GREB1: variants seen among roughly 807,000 people sequenced by gnomAD.
GREB1 encodes protein GREB1.
In GREB1, 106 loss-of-function variants were observed where a neutral mutation model predicts 200.7. That is an observed-to-expected ratio of 0.53 (90% confidence interval 0.45 to 0.62). The LOEUF is 0.62. Ranked by LOEUF, GREB1 falls within the 20% of genes least tolerant of loss-of-function variation. GREB1 has a pLI of 0.00. For missense variants in GREB1, 2,243 were observed against 2,556.8 expected (o/e 0.88, Z 2.65); for synonymous variants, 1,132 against 1,092.4 (o/e 1.04, Z -0.72).
In GREB1 at chr2:11,629,257, T is replaced by A. The variant is rs1037262532; in HGVS notation, c.4450-691T>A. Among the ~76,000 whole-genome samples the A allele has an allele frequency of 1.7e-4, 26 of 152,044 alleles. No homozygotes were observed. Among genetic ancestry groups the A allele is most frequent in the African/African-American group, 5.5e-4 (23 of 41,476 alleles). The stretch of plus-strand genomic sequence containing the variant: ...GGGTCGGTGGGGTCGTAAGAGGACG[T>A]TCAAGCTGAGGGCAAAGCTGCGCTG... On this transcript the variant is annotated intron_variant, in intron 25 of 32. Coordinates refer to ENST00000381486, the MANE Select transcript of GREB1 (RefSeq NM_014668.4). The surrounding 1 kb of genome is among the most constrained non-coding windows in gnomAD (Gnocchi z 5.2).
At chr2:11,610,235 G>A (rs1682795060) in intron 17 of GREB1, among the ~76,000 whole-genome samples, 1 of 152,218 alleles carries the variant, frequency 6.6e-6, no homozygotes, top group Non-Finnish European at 1.5e-5. Flanking sequence ...ACAGAGATGG[G>A]CCTTTAGAAC....
At chr2:11,484,634 A>G (rs950105408) in intron 1 of GREB1, among the ~76,000 whole-genome samples, 1 of 151,924 alleles carries the variant, frequency 6.6e-6, no homozygotes, top group African/African-American at 2.4e-5. Context: ...AAAGAAAAAA[A>G]ATTAGCGAGG....
chr2:11,609,587 C>G (rs865813115), intron 17 of GREB1, among the ~76,000 whole-genome samples: 2 of 152,164 alleles, frequency 1.3e-5, no homozygotes, highest in Non-Finnish European at 2.9e-5. Context: ...CCCTTCATGC[C>G]AGAGTCTGTG....
At chr2:11,512,869 T>G (rs1046865116) in intron 1 of GREB1, among the ~76,000 whole-genome samples, 1 of 152,204 alleles carries the variant, frequency 6.6e-6, no homozygotes, top group Non-Finnish European at 1.5e-5. Context: ...TATGTTTTAC[T>G]TAGGCGGATA....
At chr2:11,583,007 G>A (rs1050868317) in intron 7 of GREB1, among the ~76,000 whole-genome samples, 4 of 152,018 alleles carry the variant, frequency 2.6e-5, no homozygotes, top group East Asian at 1.9e-4. Context: ...ACAATGTCCC[G>A]CACCAAACAG....
chr2:11,604,024 C>A (rs961135529), intron 17 of GREB1, among the ~76,000 whole-genome samples: 1 of 152,198 alleles, frequency 6.6e-6, no homozygotes, highest in African/African-American at 2.4e-5. Context: ...ACGTAGCCAC[C>A]AAGCCACATT....
intron 1 of GREB1, among the ~76,000 whole-genome samples, chr2:11,488,038 G>C (rs2148399342): frequency 6.6e-6 from 1 of 152,216 alleles, no homozygotes; most frequent in Non-Finnish European, 1.5e-5. Context: ...GGTTGGCTTG[G>C]GTAACCTAAA....
rs184233998 is a variant in GREB1, at chr2:11,522,430, G to A, written c.-158-34027G>A. Among the ~76,000 whole-genome samples, 370 of 152,228 alleles carry A rather than the reference G, an allele frequency of 2.4e-3. 5 individuals are homozygous for A. The highest frequency in any genetic ancestry group is 0.014 in the East Asian group (72 of 5,176). On this transcript the variant is annotated intron_variant, in intron 1 of 2. Coordinates refer to the GREB1 transcript ENST00000628795. ...TTTTAAGCCTCTGTATTTGAAAGAG[G>A]CTTACTTAGGAAGTTGAACTTGGCT...
rs550810517 is a variant in GREB1, at chr2:11,514,712, C to T, written c.-159+32331C>T. ...TCCTTTGCATCTTTTGGGGCTCAGT[C>T]TGCACAACCCCTCTGTGCTCAGTCC... is the stretch of plus-strand genomic sequence containing the variant. On this transcript the variant is annotated intron_variant, in intron 1 of 2. Transcript: ENST00000628795. 5.9e-5 allele frequency among the ~76,000 whole-genome samples: 9 copies of T among 152,394 alleles called. No homozygotes were observed. The South Asian group carries it at 1.4e-3, about 25-fold the overall frequency.
At chr2:11,488,207 G>A (rs1308475165) in intron 1 of GREB1, among the ~76,000 whole-genome samples, 1 of 152,146 alleles carries the variant, frequency 6.6e-6, no homozygotes, top group Non-Finnish European at 1.5e-5. Context: ...AAACTCGGGG[G>A]GTGGTGACCA....
chr2:11,496,611 G>A (rs1558483286), intron 1 of GREB1, among the ~76,000 whole-genome samples: 1 of 148,666 alleles, frequency 6.7e-6, no homozygotes, highest in Admixed American at 7.0e-5. Flanking sequence ...CAAGCTGCTA[G>A]CAAGAAGAAT....
chr2:11,520,202 C>T (rs1005400386), intron 1 of GREB1, among the ~76,000 whole-genome samples: 6 of 152,172 alleles, frequency 3.9e-5, no homozygotes, highest in African/African-American at 4.8e-5. Flanking sequence ...GTTTTAAGCT[C>T]TTTTTATAGA....
At chr2:11,551,439 A>C (rs1675817224) in intron 1 of GREB1, among the ~76,000 whole-genome samples, 1 of 152,112 alleles carries the variant, frequency 6.6e-6, no homozygotes, top group African/African-American at 2.4e-5. Flanking sequence ...TTTCTGTCTG[A>C]TTGACTGGCA....
At chr2:11,608,301 T>C (rs983552469) in intron 17 of GREB1, among the ~76,000 whole-genome samples, 2 of 152,218 alleles carry the variant, frequency 1.3e-5, no homozygotes, top group Admixed American at 1.3e-4. Flanking sequence ...TTTAACCATA[T>C]AGAATATAGT....
intron 2 of GREB1, among the ~76,000 whole-genome samples, chr2:11,562,207 C>T (rs1006091842): frequency 1.3e-5 from 2 of 152,178 alleles, no homozygotes; most frequent in African/African-American, 4.8e-5. Context: ...TCATCCAACC[C>T]GAGCAAGCCT....
chr2:11,608,753 T>C, intron 17 of GREB1, among the ~76,000 whole-genome samples: 1 of 152,236 alleles, frequency 6.6e-6, no homozygotes, highest in East Asian at 1.9e-4. Flanking sequence ...TGAGACATTG[T>C]TCCCTTTAAT....
At position 11,633,165 on chromosome 2, in the gene GREB1, G is replaced by A. The variant is rs537167433; in HGVS notation, c.4991+102G>A. ...ATGTGCCCACCCCTGGAAGACCGGA[G>A]GGCCTCTCATAGTAGAAGGGGTGGT... On this transcript the variant is annotated intron_variant, in intron 28 of 32. Coordinates refer to ENST00000381486, the MANE Select transcript of GREB1 (RefSeq NM_014668.4). The surrounding 1 kb of genome is among the most constrained non-coding windows in gnomAD (Gnocchi z 4.1). 108 of 1,172,138 alleles carry A rather than the reference G, an allele frequency of 9.2e-5. No individual in the cohort carries two copies. In the East Asian group the frequency reaches 2.4e-3, roughly 26 times the overall value. The allele number at this position is 1,172,138 out of a possible 1,614,324, so 72.6% of individuals were successfully genotyped here.
intron 12 of GREB1, among the ~76,000 whole-genome samples, 156 bp downstream of exon 12, chr2:11,595,535 T>A (rs1293883280): frequency 6.6e-6 from 1 of 152,176 alleles, no homozygotes; most frequent in African/African-American, 2.4e-5. Flanking sequence ...TTCTGTCCCT[T>A]TCTTTTCTTG....
chr2:11,535,537 T>TTTCCTC (rs59380148), intron 1 of GREB1, among the ~76,000 whole-genome samples: 105,993 of 151,542 alleles, frequency 0.7, 37,411 homozygotes, highest in South Asian at 0.84. Context: ...GGAAAGGACT[T>TTTCCTC]TACTCTTCGA....
Sources: allele counts gnomAD v4.1 joint callset (sites outside exome capture counted in the v4.1 genomes callset), GRCh38; gene constraint gnomAD v4.1.1; non-coding constraint Gnocchi (gnomAD v3.1); transcripts MANE v1.5; gene names NCBI Gene and HGNC (gene_info 2026-07-23, HGNC 2026-07-21).